The following MOB3B variants were observed in gnomAD, a reference collection of about 807,000 sequenced individuals.
The protein encoded by MOB3B is MOB kinase activator-like 2B.
Under a neutral mutation model 18.7 loss-of-function variants are expected in MOB3B, and 7 were observed. The observed-to-expected ratio is 0.37, with a 90% CI of 0.21 to 0.70. The LOEUF is 0.70. Ranked by LOEUF, MOB3B falls within the 30% of genes least tolerant of loss-of-function variation. MOB3B has a pLI of 0.52. For missense variants in MOB3B, 253 were observed against 281.3 expected, an observed-to-expected ratio of 0.90 and a Z score of 0.72; for synonymous variants, 111 against 99.9, an observed-to-expected ratio of 1.11 and a Z score of -0.66.
At chr9:27,519,808 G>C (rs1435279268) in intron 1 of MOB3B, among the ~76,000 whole-genome samples, 1 of 151,872 alleles carries the variant, frequency 6.6e-6, no homozygotes, top group Non-Finnish European at 1.5e-5. Flanking sequence ...GCCAAGAAAG[G>C]GACCAGAAGA....
chr9:27,383,988 A>G (rs1375707661), intron 2 of MOB3B, among the ~76,000 whole-genome samples: 9 of 152,252 alleles, frequency 5.9e-5, no homozygotes, highest in Non-Finnish European at 1.3e-4. Context: ...TTCCTGGTAT[A>G]GATAAGCATT....
intron 1 of MOB3B, among the ~76,000 whole-genome samples, chr9:27,475,103 G>A (rs1166149208): frequency 6.7e-6 from 1 of 150,252 alleles, no homozygotes; most frequent in Non-Finnish European, 1.5e-5. Context: ...GATGCCAGCT[G>A]CCATGTTGTG....
chr9:27,358,866 C>T (rs1266102835), intron 3 of MOB3B, 168 bp downstream of exon 3: 2 of 785,218 alleles, frequency 2.5e-6, no homozygotes, highest in Non-Finnish European at 4.6e-6. Flanking sequence ...CAGTGGACAT[C>T]TTGGCATCTC....
intron 2 of MOB3B, among the ~76,000 whole-genome samples, chr9:27,365,631 A>T (rs10120418): frequency 0.49 from 73,883 of 151,904 alleles, 18,063 homozygotes; most frequent in African/African-American, 0.53. Flanking sequence ...AATAATTGAG[A>T]CTCAGAACAT....
intron 1 of MOB3B, among the ~76,000 whole-genome samples, chr9:27,528,780 G>C (rs183100834): frequency 0.031 from 3,153 of 101,234 alleles, 125 homozygotes; most frequent in African/African-American, 0.094. Flanking sequence ...AAGAGCGCGA[G>C]GGGGGGGATC....
rs529786788 is a variant in MOB3B at position 27,439,633 on chromosome 9, G to A, written c.418+15500C>T. Reference sequence around the variant, plus strand: ...AGGATTTCTTCTGCAGGGACCTCATGCTTTGGTGTCACAGAGAAGCAAAAC... The same window carrying A: ...AGGATTTCTTCTGCAGGGACCTCATACTTTGGTGTCACAGAGAAGCAAAAC... On this transcript the variant is annotated intron_variant, in intron 2 of 3. Coordinates refer to ENST00000262244, the MANE Select transcript of MOB3B (RefSeq NM_024761.5). Among the ~76,000 whole-genome samples, 94 of 152,290 alleles carry A rather than the reference G, an allele frequency of 6.2e-4. 1 individual carries two copies. The highest frequency in any genetic ancestry group is 2.1e-3 in the African/African-American group (87 of 41,562).
At chr9:27,487,489 C>T (rs964169979) in intron 1 of MOB3B, among the ~76,000 whole-genome samples, 1 of 152,146 alleles carries the variant, frequency 6.6e-6, no homozygotes, top group African/African-American at 2.4e-5. Flanking sequence ...CCTATGTGCA[C>T]AGTATCCACC....
chr9:27,423,552 A>C (rs577684554), intron 2 of MOB3B, among the ~76,000 whole-genome samples: 18 of 152,274 alleles, frequency 1.2e-4, no homozygotes, highest in African/African-American at 4.3e-4. Context: ...GCATTTAAAG[A>C]GGGAAAAAAA....
chr9:27,417,350 C>A (rs1255911202), intron 2 of MOB3B, among the ~76,000 whole-genome samples: 1 of 151,770 alleles, frequency 6.6e-6, no homozygotes, highest in African/African-American at 2.4e-5. Context: ...GGCGACAGAG[C>A]GAGACTCCGT....
intron 1 of MOB3B, among the ~76,000 whole-genome samples, chr9:27,521,522 C>T (rs1238767512): frequency 6.6e-6 from 1 of 152,118 alleles, no homozygotes; most frequent in Non-Finnish European, 1.5e-5. Flanking sequence ...AACACTTATA[C>T]AATTATCTGT....
chr9:27,412,174 T>C (rs1302752259), intron 2 of MOB3B, among the ~76,000 whole-genome samples: 1 of 145,378 alleles, frequency 6.9e-6, no homozygotes, highest in Non-Finnish European at 1.5e-5. Flanking sequence ...AAATCTACCC[T>C]TATGACGAAA....
intron 2 of MOB3B, among the ~76,000 whole-genome samples, chr9:27,388,645 A>T (rs544281505): frequency 1.3e-5 from 2 of 152,166 alleles, no homozygotes; most frequent in African/African-American, 4.8e-5. Context: ...CCAAAGTCCA[A>T]TGTATCATTC....
chr9:27,384,101 C>A (rs141400151), intron 2 of MOB3B, among the ~76,000 whole-genome samples: 1 of 151,970 alleles, frequency 6.6e-6, no homozygotes, highest in African/African-American at 2.4e-5. Flanking sequence ...ATAATAGAAA[C>A]TTTGGGGAAT....
intron 1 of MOB3B, among the ~76,000 whole-genome samples, chr9:27,466,909 T>C (rs1264041064): frequency 6.6e-6 from 1 of 152,164 alleles, no homozygotes; most frequent in Non-Finnish European, 1.5e-5. Flanking sequence ...ATTCCTGTTA[T>C]CATTCCTGTT....
chr9:27,521,998 T>C (rs1435890509), intron 1 of MOB3B, among the ~76,000 whole-genome samples: 2 of 151,888 alleles, frequency 1.3e-5, no homozygotes, highest in African/African-American at 4.8e-5. Flanking sequence ...ATCCCAGCAC[T>C]TTGGGAGGCC....
At chr9:27,438,512 T>C (rs1377385171) in intron 2 of MOB3B, among the ~76,000 whole-genome samples, 2 of 152,214 alleles carry the variant, frequency 1.3e-5, no homozygotes, top group African/African-American at 4.8e-5. Context: ...GAGGACCTTG[T>C]AGGTCTATTT....
At chr9:27,340,242 A>G (rs1409006649) in intron 3 of MOB3B, among the ~76,000 whole-genome samples, 1 of 152,252 alleles carries the variant, frequency 6.6e-6, no homozygotes, top group African/African-American at 2.4e-5. Context: ...TCCCAAGTGC[A>G]CATATACATA....
In MOB3B at chr9:27,447,537, C is replaced by T. The variant is rs143059477; in HGVS notation, c.418+7596G>A. On this transcript the variant is annotated intron_variant, in intron 2 of 3. Transcript: ENST00000262244. ...CCTGAGATACAGCCCATTAAAATTA[C>T]ATAGCACAGGTAATGGAGAATCCAG... 2.4e-4 allele frequency among the ~76,000 whole-genome samples: 36 copies of T among 152,290 alleles called. No homozygotes were observed. The East Asian group carries it at 6.6e-3, about 28-fold the overall frequency.
At chr9:27,377,323 T>C (rs1048282138) in intron 2 of MOB3B, among the ~76,000 whole-genome samples, 2 of 152,184 alleles carry the variant, frequency 1.3e-5, no homozygotes, top group Non-Finnish European at 1.5e-5. Context: ...ACACCTGCTG[T>C]GACACAAATA....
Sources: allele counts gnomAD v4.1 joint callset (sites outside exome capture counted in the v4.1 genomes callset), GRCh38; gene constraint gnomAD v4.1.1; transcripts MANE v1.5; gene names NCBI Gene and HGNC (gene_info 2026-07-23, HGNC 2026-07-21).